Variants in ADGB observed in about 807,000 individuals in gnomAD.
The protein encoded by ADGB is androglobin.
ADGB carries 172 observed loss-of-function variants against 210.5 expected under a neutral mutation model. The observed-to-expected ratio is 0.82, with a 90% CI of 0.72 to 0.93. The LOEUF (loss-of-function observed/expected upper bound fraction) is 0.93. Among genes scored for constraint, ADGB ranks in the 40% least tolerant of loss-of-function variants. The pLI, the probability that ADGB is intolerant of heterozygous loss-of-function variation, is 0.00. For synonymous variants in ADGB, 658 were observed against 662.7 expected, an observed-to-expected ratio of 0.99 and a Z score of 0.11; for missense variants, 2,025 against 1,964.8, an observed-to-expected ratio of 1.03 and a Z score of -0.58.
intron 7 of ADGB, among the ~76,000 whole-genome samples, chr6:146,668,905 G>T (rs1282636507): frequency 6.6e-6 from 1 of 152,080 alleles, no homozygotes. Flanking sequence ...TTGTTGGCAC[G>T]TGTCTCTGAT....
chr6:146,599,527 C>T (rs913938150), intron 1 of ADGB, among the ~76,000 whole-genome samples: 40 of 152,160 alleles, frequency 2.6e-4, no homozygotes, highest in Non-Finnish European at 5.1e-4. Context: ...ACACATTTCA[C>T]CTTAATGGTG....
At chr6:146,634,945 T>C (rs1043487511) in intron 1 of ADGB, among the ~76,000 whole-genome samples, 4 of 152,006 alleles carry the variant, frequency 2.6e-5, no homozygotes, top group African/African-American at 9.7e-5. Flanking sequence ...ATTAACAATA[T>C]GCTGATGAAG....
At chr6:146,718,399 G>A (rs954301033) in intron 16 of ADGB, among the ~76,000 whole-genome samples, 4 of 139,404 alleles carry the variant, frequency 2.9e-5, no homozygotes, top group Admixed American at 1.4e-4. Flanking sequence ...TATGCTCTAT[G>A]TTTGCCTGGC....
intron 35 of ADGB, among the ~76,000 whole-genome samples, chr6:146,806,760 G>T (rs1420947436): frequency 6.6e-6 from 1 of 152,212 alleles, no homozygotes; most frequent in Non-Finnish European, 1.5e-5. Flanking sequence ...AAGGAGAAAA[G>T]GAGAAATCAG....
intron 35 of ADGB, among the ~76,000 whole-genome samples, chr6:146,814,193 T>C (rs1778347275): frequency 6.6e-6 from 1 of 152,178 alleles, no homozygotes; most frequent in Non-Finnish European, 1.5e-5. Context: ...TTAAGCTGGT[T>C]GCAAAAAACA....
chr6:146,634,522 C>A (rs955399395), intron 1 of ADGB, among the ~76,000 whole-genome samples: 4 of 151,866 alleles, frequency 2.6e-5, no homozygotes, highest in African/African-American at 9.7e-5. Context: ...AATAATATAC[C>A]TATTTTACAC....
At chr6:146,644,112 A>C (rs997695082) in intron 2 of ADGB, among the ~76,000 whole-genome samples, 5 of 151,812 alleles carry the variant, frequency 3.3e-5, no homozygotes, top group Non-Finnish European at 5.9e-5. Flanking sequence ...ACTTGTGGTA[A>C]TAAAACTGTT....
intron 33 of ADGB, among the ~76,000 whole-genome samples, chr6:146,800,007 A>G (rs1778102474): frequency 6.6e-6 from 1 of 151,864 alleles, no homozygotes; most frequent in African/African-American, 2.4e-5. Flanking sequence ...ATGGGGTTTC[A>G]CCATCTTGGT....
chr6:146,654,071 T>C (rs2114882438), intron 3 of ADGB, 64 bp from the exon 4 acceptor site: 2 of 1,153,542 alleles, frequency 1.7e-6, no homozygotes, highest in East Asian at 5.4e-5. Flanking sequence ...TTAAAACTAT[T>C]TCATTAAATT....
intron 9 of ADGB, among the ~76,000 whole-genome samples, chr6:146,678,796 T>C (rs1776119320): frequency 6.6e-6 from 1 of 152,196 alleles, no homozygotes; most frequent in African/African-American, 2.4e-5. Flanking sequence ...ACATTTAAGA[T>C]TTCATTTTGT....
At chr6:146,678,738 T>C (rs966567170) in intron 9 of ADGB, among the ~76,000 whole-genome samples, 2 of 152,212 alleles carry the variant, frequency 1.3e-5, no homozygotes, top group Non-Finnish European at 2.9e-5. Flanking sequence ...TTTATATATA[T>C]TTACATGTCA....
chr6:146,692,948 C>A, intron 12 of ADGB, 33 bp downstream of exon 12: 3 of 1,211,918 alleles, frequency 2.5e-6, no homozygotes, highest in South Asian at 2.8e-5. Context: ...ACAAATGTGT[C>A]TTGTTAGTAA....
At chr6:146,733,097 TA>T (rs773536434) in intron 20 of ADGB, 22 bp from the exon 21 acceptor site, 33 of 1,425,246 alleles carry the variant, frequency 2.3e-5, no homozygotes, top group Admixed American at 1.7e-4. Flanking sequence ...TTTCTTGCTA[TA>T]AAAAAAATTT....
At position 146,702,852 on chromosome 6, in the gene ADGB, C is replaced by A. The variant is rs550538580; in HGVS notation, c.1707+1782C>A. Among the ~76,000 whole-genome samples, 168 of 151,908 alleles carry A rather than the reference C, an allele frequency of 1.1e-3. 1 individual carries two copies. The highest frequency in any genetic ancestry group is 3.9e-3 in the African/African-American group (162 of 41,514). On this transcript the variant is annotated intron_variant, in intron 13 of 35. Transcript: ENST00000397944. Reference sequence around the variant, plus strand: ...ACATGTAGTTGGATTGTTTGGCCAACAAATACAATTCTATTGGAATTTTAA... The same window carrying A: ...ACATGTAGTTGGATTGTTTGGCCAAAAAATACAATTCTATTGGAATTTTAA...
At chr6:146,637,043 A>T (rs1356359635) in intron 2 of ADGB, among the ~76,000 whole-genome samples, 2 of 151,982 alleles carry the variant, frequency 1.3e-5, no homozygotes, top group Non-Finnish European at 2.9e-5. Context: ...TATATTATGC[A>T]GTACTGTAAG....
At chr6:146,679,305 A>G (rs1776127044) in intron 9 of ADGB, among the ~76,000 whole-genome samples, 1 of 152,160 alleles carries the variant, frequency 6.6e-6, no homozygotes, top group Non-Finnish European at 1.5e-5. Context: ...ATACGTACCA[A>G]GAGTCCCAGT....
intron 7 of ADGB, 151 bp from the exon 8 acceptor site, chr6:146,672,069 A>T: frequency 9.4e-7 from 1 of 1,062,220 alleles, no homozygotes; most frequent in Non-Finnish European, 1.3e-6. Flanking sequence ...AATGTCTAAT[A>T]CATAATGCTG....
intron 1 of ADGB, among the ~76,000 whole-genome samples, chr6:146,614,667 T>G (rs1446841090): frequency 6.6e-6 from 1 of 152,190 alleles, no homozygotes; most frequent in Non-Finnish European, 1.5e-5. Flanking sequence ...AATTAGGATA[T>G]CCATCTGAAT....
intron 3 of ADGB, among the ~76,000 whole-genome samples, chr6:146,653,016 T>C (rs1033345136): frequency 6.6e-6 from 1 of 152,120 alleles, no homozygotes; most frequent in Admixed American, 6.6e-5. Context: ...TCACAGACGC[T>C]CCACATCACT....
Sources: allele counts gnomAD v4.1 joint callset (sites outside exome capture counted in the v4.1 genomes callset), GRCh38; gene constraint gnomAD v4.1.1; transcripts MANE v1.5; gene names NCBI Gene and HGNC (gene_info 2026-07-23, HGNC 2026-07-21).